The following CFAP47 variants were observed in gnomAD, a reference collection of about 807,000 sequenced individuals.
CFAP47 encodes the protein cilia- and flagella-associated protein 47.
Under a neutral mutation model 148.1 loss-of-function variants are expected in CFAP47, and 29 were observed. That is an observed-to-expected ratio of 0.20 (90% CI 0.15 to 0.27). The LOEUF is 0.27. Among genes scored for constraint, CFAP47 ranks in the 10% least tolerant of loss-of-function variants. CFAP47 has a pLI of 1.00. For synonymous variants in CFAP47, 664 were observed against 577.3 expected, an observed-to-expected ratio of 1.15 and a Z score of -2.15; for missense variants, 1,872 against 1,697.5, an observed-to-expected ratio of 1.10 and a Z score of -1.81.
chrX:36,272,658 G>C (rs1556002048), intron 49 of CFAP47, among the ~76,000 whole-genome samples: 1 of 111,058 alleles, frequency 9.0e-6, no homozygotes, highest in African/African-American at 3.3e-5. Flanking sequence ...ATGTAATAAA[G>C]ACTGCTTTGA....
At chrX:36,383,159 C>T (rs1942094293) in intron 63 of CFAP47, among the ~76,000 whole-genome samples, 1 of 111,593 alleles carries the variant, frequency 9.0e-6, no homozygotes, top group African/African-American at 3.3e-5. Context: ...CTCAGCATCA[C>T]TTATTGTAAA....
chrX:36,321,373 G>A (rs1401364991), intron 57 of CFAP47, among the ~76,000 whole-genome samples: 1 of 111,474 alleles, frequency 9.0e-6, no homozygotes, highest in African/African-American at 3.3e-5. Flanking sequence ...ATTGGGAAGA[G>A]TAATGGGTGG....
intron 56 of CFAP47, among the ~76,000 whole-genome samples, chrX:36,316,949 C>A (rs139543192): frequency 9.0e-6 from 1 of 111,603 alleles, no homozygotes; most frequent in East Asian, 2.8e-4. Flanking sequence ...GCATGCCCAG[C>A]TAATTTTTCG....
At chrX:36,355,489 G>C (rs1941778293) in intron 60 of CFAP47, among the ~76,000 whole-genome samples, 1 of 111,677 alleles carries the variant, frequency 9.0e-6, no homozygotes, top group East Asian at 2.8e-4. Context: ...GTCCTCAGAT[G>C]AATGGATAAA....
chrX:36,094,002 G>A (rs1938231750), intron 30 of CFAP47, among the ~76,000 whole-genome samples: 1 of 111,612 alleles, frequency 9.0e-6, no homozygotes, highest in Non-Finnish European at 1.9e-5. Context: ...TTCATAGTTT[G>A]AGGATATAGC....
intron 45 of CFAP47, among the ~76,000 whole-genome samples, chrX:36,214,529 C>G (rs1555989921): frequency 9.0e-6 from 1 of 111,626 alleles, no homozygotes; most frequent in Non-Finnish European, 1.9e-5. Flanking sequence ...AACTTGTTGA[C>G]TCTTGTAATA....
At chrX:35,923,950 T>C (rs1010063753) in intron 1 of CFAP47, among the ~76,000 whole-genome samples, 8 of 76,251 alleles carry the variant, frequency 1.0e-4, no homozygotes, top group Non-Finnish European at 1.9e-4. Flanking sequence ...TGTACATGTG[T>C]ATATATGTAC....
At chrX:36,375,206 G>T in intron 62 of CFAP47, 1 of 258,514 alleles carries the variant, frequency 3.9e-6, no homozygotes, top group Non-Finnish European at 7.2e-6. Flanking sequence ...GAAAGATGGC[G>T]GAAAGAGAAT....
chrX:36,329,549 T>C (rs1466289139), intron 57 of CFAP47, among the ~76,000 whole-genome samples: 1 of 112,217 alleles, frequency 8.9e-6, no homozygotes, highest in African/African-American at 3.2e-5. Context: ...AATTTAATTA[T>C]CTTGTTCCAA....
intron 48 of CFAP47, among the ~76,000 whole-genome samples, chrX:36,247,684 G>A (rs1391004419): frequency 3.6e-5 from 4 of 110,451 alleles, no homozygotes; most frequent in African/African-American, 6.6e-5. Context: ...TAAAATATAC[G>A]AAAAGGAATT....
At chrX:36,131,497 A>G (rs1192859583) in intron 33 of CFAP47, among the ~76,000 whole-genome samples, 1 of 111,507 alleles carries the variant, frequency 9.0e-6, no homozygotes, top group African/African-American at 3.2e-5. Context: ...TAGCAATATG[A>G]TTCAACAATT....
chrX:36,319,076 A>G, intron 56 of CFAP47, 133 bp from the exon 57 acceptor site: 1 of 315,159 alleles, frequency 3.2e-6, no homozygotes, highest in Non-Finnish European at 5.6e-6. Context: ...TCTCATTTTA[A>G]AATATACTTT....
At chrX:35,937,893 A>G (rs6418684) in intron 2 of CFAP47, among the ~76,000 whole-genome samples, 1 of 110,878 alleles carries the variant, frequency 9.0e-6, no homozygotes, top group East Asian at 2.9e-4. Flanking sequence ...AAACTACATG[A>G]TTGATTTCTA....
At chrX:36,089,527 C>T (rs1938148615) in intron 30 of CFAP47, among the ~76,000 whole-genome samples, 2 of 111,555 alleles carry the variant, frequency 1.8e-5, no homozygotes, top group Non-Finnish European at 3.8e-5. Flanking sequence ...GAAGGGTGCA[C>T]TGAACTGGGT....
At position 36,371,861 on chromosome X, in the gene CFAP47, TATACACACATGTGTATATATGTGTGC is replaced by T. The variant is rs1556021838; in HGVS notation, c.9185+4738_9185+4763del. Among the ~76,000 whole-genome samples the T allele has an allele frequency of 1.9e-4, 16 of 82,896 alleles. 4 individuals are homozygous for T. The highest frequency in any genetic ancestry group is 7.0e-4 in the African/African-American group (15 of 21,379). The allele number at this position is 82,896 out of a possible 115,157, so 72.0% of individuals were successfully genotyped here. On this transcript the variant is annotated intron_variant, in intron 62 of 63. Coordinates refer to ENST00000378653, the MANE Select transcript of CFAP47 (RefSeq NM_001304548.2). ...GTATATGTGTGTATATATGTGTGCA[TATACACACATGTGTATATATGTGTGC>T]ATATACACACATGTGTATATATGTG...
intron 62 of CFAP47, chrX:36,368,237 A>T (rs1387369142): frequency 1.8e-5 from 2 of 112,122 alleles, no homozygotes; most frequent in Non-Finnish European, 3.8e-5. Flanking sequence ...AAAAAAGACT[A>T]AAAAGTCACT....
At chrX:36,054,550 C>T (rs1388741627) in intron 26 of CFAP47, among the ~76,000 whole-genome samples, 1 of 110,426 alleles carries the variant, frequency 9.1e-6, no homozygotes, top group Non-Finnish European at 1.9e-5. Flanking sequence ...TCTTAATGTC[C>T]TTAATTTTAT....
intron 39 of CFAP47, among the ~76,000 whole-genome samples, chrX:36,177,644 A>G (rs1939701073): frequency 8.9e-6 from 1 of 112,181 alleles, no homozygotes; most frequent in South Asian, 3.6e-4. Flanking sequence ...TCTGTTTAAA[A>G]ATTTTTAGTA....
At chrX:35,999,143 T>C (rs982009836) in intron 19 of CFAP47, among the ~76,000 whole-genome samples, 2 of 112,035 alleles carry the variant, frequency 1.8e-5, no homozygotes, top group African/African-American at 6.5e-5. Context: ...TTGAATGGGA[T>C]AACAAGAGTG....
Sources: gnomAD v4.1 joint callset for allele counts (sites outside exome capture counted in the v4.1 genomes callset) on GRCh38, gnomAD v4.1.1 for gene constraint, MANE v1.5 for transcripts, NCBI Gene and HGNC (gene_info 2026-07-23, HGNC 2026-07-21) for gene names.